PDE2A: variants seen among roughly 807,000 people sequenced by gnomAD.
PDE2A encodes cGMP-dependent 3',5'-cyclic phosphodiesterase.
In PDE2A, 53 loss-of-function variants were observed where a neutral mutation model predicts 133.6. The ratio of observed to expected loss-of-function variants is 0.40; its 90% CI spans 0.32 to 0.50. The LOEUF is 0.50. Among genes scored for constraint, PDE2A ranks in the 20% least tolerant of loss-of-function variants. The pLI is 0.73. For synonymous variants in PDE2A, 491 were observed against 490.2 expected, an observed-to-expected ratio of 1.00 and a Z score of -0.02; for missense variants, 796 against 1,232.4, an observed-to-expected ratio of 0.65 and a Z score of 5.30.
chr11:72,625,743 G>A (rs1415421497), intron 2 of PDE2A, among the ~76,000 whole-genome samples: 1 of 152,152 alleles, frequency 6.6e-6, no homozygotes, highest in African/African-American at 2.4e-5. Flanking sequence ...CTCTAGGCAG[G>A]GGCCTCTGGC....
chr11:72,590,865 G>T lies in PDE2A; in HGVS notation c.550-285C>A. 1 of 394,470 alleles carries T rather than the reference G, an allele frequency of 2.5e-6. No individual in the cohort carries two copies. Among genetic ancestry groups the T allele is most frequent in the Non-Finnish European group, 4.5e-6 (1 of 224,546 alleles). 24.4% of individuals were successfully genotyped at this position (394,470 alleles called of 1,614,324 possible). A position where few individuals can be genotyped will look rare whatever the true frequency, so the allele number is the denominator to read the frequency against. On this transcript the variant is annotated intron_variant, in intron 7 of 30. Coordinates refer to ENST00000334456, the MANE Select transcript of PDE2A (RefSeq NM_002599.5). This position sits in a 1 kb window ranked among gnomAD's most constrained non-coding sequence, Gnocchi z 4.8. The stretch of plus-strand genomic sequence containing the variant: ...ACAAGATGTCAGATTTCTGTCTCCA[G>T]CCCCCTCAGGAAGTCGTAAGTCCTT...
intron 4 of PDE2A, among the ~76,000 whole-genome samples, chr11:72,600,955 G>C (rs1212668029): frequency 6.6e-6 from 1 of 151,666 alleles, no homozygotes; most frequent in Non-Finnish European, 1.5e-5. Flanking sequence ...CTGCTGGTAG[G>C]GCCAACAGCC....
chr11:72,673,150 TA>T (rs1418286917), intron 1 of PDE2A, among the ~76,000 whole-genome samples: 2 of 152,010 alleles, frequency 1.3e-5, no homozygotes, highest in Non-Finnish European at 2.9e-5. Context: ...ATGGAACAGA[TA>T]AAAAATGCAC....
chr11:72,590,485 T>A lies in PDE2A; in HGVS notation c.645A>T (p.Glu215Asp). ...TGTACGCCGCCCCGCCCTTCTGGTC[T>A]TCCGCCGTCCCCTCCGGGGGGTTCT... ...AVQNPPEGTA[E>D]DQKGGAAYTD... The change falls in exon 8 of 31, where the codon GAA (glutamate) becomes GAT (aspartate). Residue 215 changes from glutamate to aspartate, a missense_variant. Glu to Asp is a conservative substitution (Grantham distance 45). Around this residue, in one of 7 missense-constraint regions of PDE2A, gnomAD observed 417 missense variants for 475.3 expected, o/e 0.88. Coordinates refer to ENST00000334456, the MANE Select transcript of PDE2A (RefSeq NM_002599.5). The surrounding 1 kb of genome is among the most constrained non-coding windows in gnomAD (Gnocchi z 4.8). The A allele has an allele frequency of 6.5e-7, 1 of 1,529,254 alleles. No homozygotes were observed. The highest frequency in any genetic ancestry group is 8.8e-7 in the Non-Finnish European group (1 of 1,142,042). The allele number at this position is 1,529,254 out of a possible 1,614,324, so 94.7% of individuals were successfully genotyped here. A position where few individuals can be genotyped will look rare whatever the true frequency, so the allele number is the denominator to read the frequency against.
At chr11:72,610,602 C>T (rs1857165285) in intron 2 of PDE2A, among the ~76,000 whole-genome samples, 1 of 152,118 alleles carries the variant, frequency 6.6e-6, no homozygotes, top group Non-Finnish European at 1.5e-5. Context: ...TTCCTTGGTC[C>T]CTCCCACTGC....
intron 1 of PDE2A, among the ~76,000 whole-genome samples, chr11:72,655,960 A>G (rs76162475): frequency 3.9e-5 from 6 of 152,242 alleles, no homozygotes; most frequent in Admixed American, 6.5e-5. Context: ...CTTCTCCCCA[A>G]ACAAAATCAC....
chr11:72,667,787 G>A (rs1855279316), intron 1 of PDE2A, among the ~76,000 whole-genome samples: 1 of 151,456 alleles, frequency 6.6e-6, no homozygotes, highest in Admixed American at 6.6e-5. Flanking sequence ...CAGGCAGGAG[G>A]ATAGCTTCAG....
At chr11:72,650,023 T>C (rs903161982) in intron 1 of PDE2A, among the ~76,000 whole-genome samples, 1 of 150,098 alleles carries the variant, frequency 6.7e-6, no homozygotes, top group East Asian at 2.0e-4. Flanking sequence ...CTGAGACTTT[T>C]TTTTTTTTTT....
chr11:72,631,752 C>T (rs955085050), intron 2 of PDE2A, among the ~76,000 whole-genome samples: 1 of 152,172 alleles, frequency 6.6e-6, no homozygotes, highest in Non-Finnish European at 1.5e-5. Flanking sequence ...ACTGCCACAG[C>T]AGCCTGGAGA....
intron 16 of PDE2A, 168 bp downstream of exon 16, chr11:72,585,203 G>T: frequency 1.4e-6 from 1 of 690,928 alleles, no homozygotes; most frequent in African/African-American, 1.8e-5. Context: ...CTGCTGTATT[G>T]GAGCCTACAG....
At chr11:72,655,427 C>G (rs1203548969) in intron 1 of PDE2A, among the ~76,000 whole-genome samples, 1 of 152,168 alleles carries the variant, frequency 6.6e-6, no homozygotes, top group Non-Finnish European at 1.5e-5. Context: ...GAACCTGGCC[C>G]AGGTAGATGG....
chr11:72,667,446 C>G (rs1028157648), intron 1 of PDE2A, among the ~76,000 whole-genome samples: 2 of 152,188 alleles, frequency 1.3e-5, no homozygotes, highest in Admixed American at 1.3e-4. Context: ...TCCAACCTCT[C>G]CTCAGCCTTC....
chr11:72,659,169 G>A (rs1854981713), intron 1 of PDE2A, among the ~76,000 whole-genome samples: 1 of 151,356 alleles, frequency 6.6e-6, no homozygotes, highest in South Asian at 2.1e-4. Flanking sequence ...ACCCAGTTGT[G>A]TCTGACTCCC....
chr11:72,668,710 C>T (rs1855308170), intron 1 of PDE2A, among the ~76,000 whole-genome samples: 2 of 152,266 alleles, frequency 1.3e-5, no homozygotes, highest in African/African-American at 2.4e-5. Flanking sequence ...TGGGTGTGGC[C>T]ACAGACTTAA....
At chr11:72,636,486 T>G (rs751273692) in intron 2 of PDE2A, among the ~76,000 whole-genome samples, 6 of 152,216 alleles carry the variant, frequency 3.9e-5, no homozygotes, top group Non-Finnish European at 8.8e-5. Flanking sequence ...CTGGGCCGGC[T>G]TCAGGTCTCC....
chr11:72,632,057 C>G (rs1220791084), intron 2 of PDE2A, among the ~76,000 whole-genome samples: 1 of 152,174 alleles, frequency 6.6e-6, no homozygotes, highest in African/African-American at 2.4e-5. Flanking sequence ...GGATGAGACA[C>G]CCATCCCTGC....
At position 72,605,153 on chromosome 11, in the gene PDE2A, T is replaced by G; in HGVS notation, c.308A>C (p.Gln103Pro). 3 of 1,609,140 alleles carry G rather than the reference T, an allele frequency of 1.9e-6. No homozygotes were observed. The South Asian group carries it at 3.3e-5, about 18-fold the overall frequency. The change falls in exon 4 of 31, where the codon CAG becomes CCG. Residue 103 changes from glutamine (Q) to proline (P), a missense_variant. Gln to Pro is a moderately conservative substitution (Grantham distance 76, BLOSUM62 -1). Around this residue, in one of 7 missense-constraint regions of PDE2A, gnomAD observed 417 missense variants for 475.3 expected, o/e 0.88. Transcript: ENST00000334456. Reference protein sequence around the residue: ...VCEDPPHELPQEGKVREAIIS... With the variant: ...VCEDPPHELPPEGKVREAIIS... ...AATGGCTCACCGGACTTTCCCCTCC[T>G]GGGGCAGCTCATGTGGGGGGTCCTC...
At chr11:72,642,225 C>T in intron 2 of PDE2A, 29 bp downstream of exon 2, 3 of 1,472,530 alleles carry the variant, frequency 2.0e-6, no homozygotes, top group Non-Finnish European at 2.7e-6. Context: ...ACCCCGTTCT[C>T]CTGGTGCCCA....
intron 1 of PDE2A, among the ~76,000 whole-genome samples, chr11:72,653,703 G>A (rs1854811893): frequency 1.3e-5 from 2 of 152,236 alleles, no homozygotes; most frequent in Non-Finnish European, 2.9e-5. Flanking sequence ...AGGGCACCGA[G>A]GCCACCAGAG....
Sources: allele counts gnomAD v4.1 joint callset (sites outside exome capture counted in the v4.1 genomes callset), GRCh38; gene constraint gnomAD v4.1.1; regional missense constraint gnomAD v4.1.1; non-coding constraint Gnocchi (gnomAD v3.1); transcripts MANE v1.5; gene names NCBI Gene and HGNC (gene_info 2026-07-23, HGNC 2026-07-21).